Variants in TBC1D19 observed in about 807,000 individuals in gnomAD.
TBC1D19 encodes TBC1 domain family, member 19.
A neutral mutation model predicts 89.0 loss-of-function variants in TBC1D19; 60 were observed. That is an observed-to-expected ratio of 0.67 (90% CI 0.55 to 0.84). The LOEUF is 0.84. TBC1D19 is among the 40% of genes least tolerant of loss of function. The pLI is 0.00. For synonymous variants in TBC1D19, 189 were observed against 199.7 expected, an observed-to-expected ratio of 0.95 and a Z score of 0.45; for missense variants, 500 against 610.8, an observed-to-expected ratio of 0.82 and a Z score of 1.91.
At chr4:26,669,810 G>T (rs1712130741) in intron 9 of TBC1D19, among the ~76,000 whole-genome samples, 1 of 151,690 alleles carries the variant, frequency 6.6e-6, no homozygotes, top group South Asian at 2.1e-4. Flanking sequence ...GGCATATTAT[G>T]AGAAGAAAAT....
the TBC1D19 span, among the ~76,000 whole-genome samples, chr4:26,852,714 G>C: frequency 1.3e-5 from 2 of 151,744 alleles, no homozygotes; most frequent in African/African-American, 4.8e-5. Context: ...CTGCCTCCCG[G>C]GTTCACACCA....
the TBC1D19 span, among the ~76,000 whole-genome samples, chr4:26,796,166 C>T: frequency 5.9e-5 from 9 of 152,040 alleles, no homozygotes; most frequent in African/African-American, 1.7e-4. Flanking sequence ...CATTTTGTTA[C>T]GAAAAGCAAT....
the TBC1D19 span, among the ~76,000 whole-genome samples, chr4:26,834,566 C>T: frequency 1.3e-5 from 2 of 151,944 alleles, no homozygotes; most frequent in Non-Finnish European, 2.9e-5. Context: ...GTGGTGCACA[C>T]ACCAATATAG....
intron 11 of TBC1D19, among the ~76,000 whole-genome samples, chr4:26,683,379 A>C (rs1214291442): frequency 6.6e-6 from 1 of 152,210 alleles, no homozygotes; most frequent in Non-Finnish European, 1.5e-5. Context: ...AGTGGGTAAA[A>C]TAGTGCCTGG....
intron 17 of TBC1D19, among the ~76,000 whole-genome samples, chr4:26,741,632 T>TC: frequency 6.6e-6 from 1 of 151,766 alleles, no homozygotes; most frequent in East Asian, 1.9e-4. Flanking sequence ...TCTGTCCTTT[T>TC]TTTTTTTTTT....
intron 8 of TBC1D19, among the ~76,000 whole-genome samples, chr4:26,662,399 G>T (rs1434587565): frequency 1.3e-5 from 2 of 152,024 alleles, no homozygotes; most frequent in African/African-American, 4.8e-5. Context: ...TTTATCAGAA[G>T]ATGAAGCAAA....
intron 1 of TBC1D19, among the ~76,000 whole-genome samples, chr4:26,606,762 T>A (rs982698446): frequency 6.6e-6 from 1 of 152,138 alleles, no homozygotes; most frequent in African/African-American, 2.4e-5. Flanking sequence ...AAGTTCAGGA[T>A]TAGCATGATA....
At chr4:26,584,442 A>C in intron 1 of TBC1D19, 150 bp downstream of exon 1, 1 of 705,402 alleles carries the variant, frequency 1.4e-6, no homozygotes, top group Admixed American at 3.0e-5. Context: ...CAAAAACAAA[A>C]ACAAAAACAA....
chr4:26,847,159 A>C, the TBC1D19 span, among the ~76,000 whole-genome samples: 1 of 152,164 alleles, frequency 6.6e-6, no homozygotes, highest in South Asian at 2.1e-4. Flanking sequence ...CTATGCTACC[A>C]CACACTCTTC....
At chr4:26,681,440 A>G (rs770663294) in intron 11 of TBC1D19, among the ~76,000 whole-genome samples, 6 of 151,876 alleles carry the variant, frequency 4.0e-5, no homozygotes, top group Non-Finnish European at 7.4e-5. Context: ...AGTCCCAGCT[A>G]CTCGGGAGGC....
the TBC1D19 span, among the ~76,000 whole-genome samples, chr4:26,808,743 A>AAG: frequency 1.4e-5 from 2 of 139,028 alleles, no homozygotes; most frequent in African/African-American, 3.3e-5. Flanking sequence ...AAAAAAAAAA[A>AAG]AAAGAAAAAG....
At chr4:26,589,749 C>G (rs989281577) in intron 1 of TBC1D19, among the ~76,000 whole-genome samples, 15 of 152,166 alleles carry the variant, frequency 9.9e-5, no homozygotes, top group African/African-American at 3.4e-4. Flanking sequence ...GTTTTTGTAT[C>G]TATCCCACCC....
intron 7 of TBC1D19, among the ~76,000 whole-genome samples, chr4:26,648,918 C>T (rs193002431): frequency 6.6e-6 from 1 of 152,112 alleles, no homozygotes; most frequent in East Asian, 1.9e-4. Context: ...TCTTTTATTA[C>T]TCATGCTGAG....
intron 16 of TBC1D19, 30 bp from the exon 17 acceptor site, chr4:26,739,834 C>T: frequency 1.6e-6 from 2 of 1,250,412 alleles, no homozygotes; most frequent in South Asian, 1.5e-5. Context: ...AGTAGTTCTG[C>T]AGTATTATAA....
rs890334488 is a variant in TBC1D19 at position 26,602,777 on chromosome 4, GA to G, written c.100-10380del. 1.8e-3 allele frequency among the ~76,000 whole-genome samples: 245 copies of G among 137,096 alleles called. 2 individuals carry two copies. The highest frequency in any genetic ancestry group is 3.8e-3 in the Middle Eastern group (1 of 262). 89.9% of individuals were successfully genotyped at this position (137,096 alleles called of 152,430 possible). A position where few individuals can be genotyped will look rare whatever the true frequency, so the allele number is the denominator to read the frequency against. On this transcript the variant is annotated intron_variant, in intron 1 of 20. Transcript: ENST00000264866. ...TTATTTTCCACCACACACTGACAGT[GA>G]AAAAAAAAAAAGAACCAGTTTTACT...
chr4:26,760,651 G>C (rs1467504416), downstream of TBC1D19, among the ~76,000 whole-genome samples: 1 of 152,000 alleles, frequency 6.6e-6, no homozygotes, highest in Non-Finnish European at 1.5e-5. Context: ...CCAGCCTATA[G>C]GATATTTAAT....
the TBC1D19 span, among the ~76,000 whole-genome samples, chr4:26,823,004 T>C: frequency 6.6e-6 from 1 of 152,172 alleles, no homozygotes; most frequent in African/African-American, 2.4e-5. Flanking sequence ...ACTCAAGCTG[T>C]ATTAGTTTGT....
upstream of TBC1D19, among the ~76,000 whole-genome samples, chr4:26,580,913 C>T (rs1439662233): frequency 1.3e-5 from 2 of 152,136 alleles, no homozygotes; most frequent in East Asian, 3.9e-4. Context: ...CCAGTAAAAT[C>T]TGACACAGCA....
At chr4:26,818,821 G>T in the TBC1D19 span, among the ~76,000 whole-genome samples, 2 of 152,082 alleles carry the variant, frequency 1.3e-5, no homozygotes, top group Non-Finnish European at 2.9e-5. Flanking sequence ...CAAGTCAATT[G>T]GTCACCTTAG....
Sources: gnomAD v4.1 joint callset for allele counts (sites outside exome capture counted in the v4.1 genomes callset) on GRCh38, gnomAD v4.1.1 for gene constraint, MANE v1.5 for transcripts, NCBI Gene and HGNC (gene_info 2026-07-23, HGNC 2026-07-21) for gene names.